RAD18: variants seen among roughly 807,000 people sequenced by gnomAD.
The protein encoded by RAD18 is RAD18 E3 ubiquitin protein ligase.
A neutral mutation model predicts 60.4 loss-of-function variants in RAD18; 47 were observed. The ratio of observed to expected loss-of-function variants is 0.78; its 90% confidence interval spans 0.62 to 0.99. RAD18 has a LOEUF of 0.99. Ranked by LOEUF, RAD18 falls within the 50% of genes least tolerant of loss-of-function variation. The probability of loss-of-function intolerance (pLI) is 0.00; values close to 1 mark genes in which losing one functional copy is unlikely to be tolerated. For synonymous variants in RAD18, 225 were observed against 195.5 expected (o/e 1.15, Z -1.26); for missense variants, 640 against 593.3 (o/e 1.08, Z -0.82).
chr3:8,890,352 C>T, intron 12 of RAD18, 37 bp downstream of exon 12: 1 of 1,484,152 alleles, frequency 6.7e-7, no homozygotes, highest in Non-Finnish European at 9.4e-7. Flanking sequence ...TTTCTCAGGT[C>T]AAAGTGCATG....
intron 7 of RAD18, among the ~76,000 whole-genome samples, chr3:8,930,782 A>G (rs777017099): frequency 1.3e-5 from 2 of 152,222 alleles, no homozygotes; most frequent in South Asian, 2.1e-4. Context: ...TGTTTTACCT[A>G]TAAGTTGGGG....
intron 2 of RAD18, among the ~76,000 whole-genome samples, chr3:8,951,465 C>A (rs1940923476): frequency 6.6e-6 from 1 of 152,166 alleles, no homozygotes; most frequent in South Asian, 2.1e-4. Flanking sequence ...TTTCAGTAGA[C>A]TTCCCTTGCA....
rs144709797 is a variant in RAD18 at position 8,950,531 on chromosome 3, G to A, written c.134-1961C>T. On this transcript the variant is annotated intron_variant, in intron 2 of 12. Coordinates refer to ENST00000264926, the MANE Select transcript of RAD18 (RefSeq NM_020165.4). ...CATTCACAGTCCAGGGGCAAAGTTC[G>A]CTAAAAGACCTAATCATAGGACTAT... 2.1e-3 allele frequency among the ~76,000 whole-genome samples: 319 copies of A among 152,242 alleles called. 2 individuals carry two copies. The highest frequency in any genetic ancestry group is 6.9e-3 in the African/African-American group (285 of 41,550).
chr3:8,937,470 C>A (rs1940672118), intron 6 of RAD18, among the ~76,000 whole-genome samples: 2 of 150,742 alleles, frequency 1.3e-5, no homozygotes, highest in African/African-American at 2.5e-5. Flanking sequence ...ATTTAAGGGG[C>A]CTCAGAATCT....
intron 6 of RAD18, among the ~76,000 whole-genome samples, 165 bp from the exon 7 acceptor site, chr3:8,936,220 T>C (rs997253572): frequency 6.6e-6 from 1 of 152,222 alleles, no homozygotes; most frequent in Non-Finnish European, 1.5e-5. Flanking sequence ...AAGTTGAGTG[T>C]CTGACATGAT....
At chr3:8,884,807 T>C (rs1939529308) in intron 12 of RAD18, among the ~76,000 whole-genome samples, 1 of 152,164 alleles carries the variant, frequency 6.6e-6, no homozygotes, top group African/African-American at 2.4e-5. Flanking sequence ...TCCCCTAAGA[T>C]GCAAGAATCC....
intron 9 of RAD18, among the ~76,000 whole-genome samples, chr3:8,903,036 A>C (rs1239449508): frequency 1.3e-5 from 2 of 151,968 alleles, no homozygotes; most frequent in Non-Finnish European, 2.9e-5. Flanking sequence ...AAAAAAAAAA[A>C]ACAAAAAACA....
intron 10 of RAD18, 76 bp from the exon 11 acceptor site, chr3:8,899,123 C>A: frequency 8.7e-7 from 1 of 1,146,730 alleles, no homozygotes; most frequent in Non-Finnish European, 1.2e-6. Context: ...ACACTTAATA[C>A]TGCCATGTGC....
At position 8,917,694 on chromosome 3, in the gene RAD18, CCAAAAAACAG is replaced by C; in HGVS notation, c.890-3984_890-3975del. Among the ~76,000 whole-genome samples the C allele has an allele frequency of 2.1e-5, 2 of 97,470 alleles. 1 individual carries two copies. Among genetic ancestry groups the C allele is most frequent in the Middle Eastern group, 0.014 (2 of 142 alleles). The allele number at this position is 97,470 out of a possible 152,430, so 63.9% of individuals were successfully genotyped here. On this transcript the variant is annotated intron_variant, in intron 7 of 12. Transcript: ENST00000264926. ...AAATATAATAATAAAAATGCTCAAT[CCAAAAAACAG>C]CAAAAAAAGATAACAAAAAGGAGAC...
chr3:8,915,017 G>A (rs936532443), intron 7 of RAD18, among the ~76,000 whole-genome samples: 1 of 151,634 alleles, frequency 6.6e-6, no homozygotes, highest in East Asian at 1.9e-4. Context: ...GGTGTGGTGG[G>A]GGGCGCCTAT....
chr3:8,884,355 T>C (rs1015521963), intron 12 of RAD18, among the ~76,000 whole-genome samples: 3 of 152,244 alleles, frequency 2.0e-5, no homozygotes, highest in African/African-American at 7.2e-5. Flanking sequence ...AGTTTTGTTA[T>C]TGCTTTTATG....
chr3:8,936,362 T>C (rs1171296861), intron 6 of RAD18, among the ~76,000 whole-genome samples: 3 of 152,200 alleles, frequency 2.0e-5, no homozygotes, highest in South Asian at 2.1e-4. Context: ...GCTTGTGGAA[T>C]ATGCTGTGAG....
At chr3:8,917,710 A>C (rs1940231483) in intron 7 of RAD18, among the ~76,000 whole-genome samples, 1 of 152,084 alleles carries the variant, frequency 6.6e-6, no homozygotes, top group African/African-American at 2.4e-5. Context: ...AACAGCAAAA[A>C]AAGATAACAA....
intron 7 of RAD18, among the ~76,000 whole-genome samples, chr3:8,916,922 G>A (rs9839068): frequency 1.2e-3 from 182 of 152,132 alleles, no homozygotes; most frequent in African/African-American, 3.2e-3. Context: ...AGAAGAAATC[G>A]TTGAAGAACT....
chr3:8,902,579 C>T (rs981092900), intron 9 of RAD18, 59 bp from the exon 10 acceptor site: 4 of 1,476,454 alleles, frequency 2.7e-6, no homozygotes, highest in Middle Eastern at 1.8e-4. Flanking sequence ...CCATCTACAA[C>T]TGACAAACTG....
Position 8,947,240 on chromosome 3 carries a change from T to C in RAD18, c.246A>G (p.Val82=), listed in dbSNP as rs374527213. Residue 82 remains valine, a synonymous_variant, in exon 4 of 13, where the codon GTA becomes GTG. Coordinates refer to ENST00000264926, the MANE Select transcript of RAD18 (RefSeq NM_020165.4). ...CATACCGTGCAAAATTCAAGCTTTT[T>C]ACCAGTTCATCTAATATGCGGTTAT... is the stretch of plus-strand genomic sequence containing the variant. ...LKNNRILDEL[V]KSLNFARNHL... 6.2e-7 allele frequency: 1 copy of C among 1,610,722 alleles called. No homozygotes were observed. Among genetic ancestry groups the C allele is most frequent in the African/African-American group, 1.3e-5 (1 of 74,836 alleles).
chr3:8,882,657 A>G (rs1378911715), intron 12 of RAD18, among the ~76,000 whole-genome samples: 1 of 152,220 alleles, frequency 6.6e-6, no homozygotes, highest in Non-Finnish European at 1.5e-5. Context: ...TTGGTGCAGG[A>G]AAGCAAGCAT....
At chr3:8,910,436 T>A (rs1432347101) in intron 9 of RAD18, among the ~76,000 whole-genome samples, 1 of 151,968 alleles carries the variant, frequency 6.6e-6, no homozygotes, top group African/African-American at 2.4e-5. Context: ...CCGTCTCTAC[T>A]AAAAATACAA....
chr3:8,897,495 A>G (rs1939809340), intron 11 of RAD18, among the ~76,000 whole-genome samples: 1 of 152,198 alleles, frequency 6.6e-6, no homozygotes, highest in South Asian at 2.1e-4. Flanking sequence ...TATGTAATAT[A>G]CTCATTAACC....
Sources: allele counts gnomAD v4.1 joint callset (sites outside exome capture counted in the v4.1 genomes callset), GRCh38; gene constraint gnomAD v4.1.1; transcripts MANE v1.5; gene names NCBI Gene and HGNC (gene_info 2026-07-23, HGNC 2026-07-21).